The following IGF2BP3 variants were observed in gnomAD, a reference collection of about 807,000 sequenced individuals.
IGF2BP3 encodes insulin like growth factor 2 mRNA binding protein 3.
Under a neutral mutation model 73.8 loss-of-function variants are expected in IGF2BP3, and 9 were observed. The ratio of observed to expected loss-of-function variants is 0.12; its 90% CI spans 0.07 to 0.21. The LOEUF (loss-of-function observed/expected upper bound fraction) is 0.21. Among genes scored for constraint, IGF2BP3 ranks in the 10% least tolerant of loss-of-function variants. The probability of loss-of-function intolerance (pLI) is 1.00; values close to 1 mark genes in which losing one functional copy is unlikely to be tolerated. For synonymous variants in IGF2BP3, 258 were observed against 256.7 expected (o/e 1.01, Z -0.05); for missense variants, 542 against 714.0 (o/e 0.76, Z 2.75).
intron 10 of IGF2BP3, among the ~76,000 whole-genome samples, chr7:23,325,706 G>T (rs1207832638): frequency 4.0e-5 from 6 of 151,868 alleles, no homozygotes; most frequent in East Asian, 3.9e-4. Flanking sequence ...AACAGCATGG[G>T]ACTGGTACCA....
intron 3 of IGF2BP3, among the ~76,000 whole-genome samples, chr7:23,391,432 G>T (rs902307627): frequency 6.6e-6 from 1 of 152,152 alleles, no homozygotes; most frequent in Non-Finnish European, 1.5e-5. Context: ...CAGTTGTAAG[G>T]TTACTGACAT....
At chr7:23,340,412 G>A (rs1297458199) in intron 10 of IGF2BP3, among the ~76,000 whole-genome samples, 4 of 152,112 alleles carry the variant, frequency 2.6e-5, no homozygotes, top group Admixed American at 2.6e-4. Flanking sequence ...GACAGGAAAA[G>A]GAAATTTTCA....
chr7:23,377,117 A>C (rs1393764567), intron 3 of IGF2BP3, among the ~76,000 whole-genome samples: 1 of 152,200 alleles, frequency 6.6e-6, no homozygotes, highest in African/African-American at 2.4e-5. Flanking sequence ...TTAAAAAAAA[A>C]ACTGTGCTAA....
intron 10 of IGF2BP3, among the ~76,000 whole-genome samples, chr7:23,330,485 G>A (rs989260122): frequency 6.6e-6 from 1 of 151,906 alleles, no homozygotes. Flanking sequence ...ATGACTTCCT[G>A]TGAGTCAAAA....
chr7:23,369,668 C>T (rs954383480), intron 3 of IGF2BP3, among the ~76,000 whole-genome samples: 1 of 151,816 alleles, frequency 6.6e-6, no homozygotes, highest in Non-Finnish European at 1.5e-5. Flanking sequence ...TTTCTTCATG[C>T]TTCTCTTCAA....
rs1052580730 is a variant in IGF2BP3, at chr7:23,311,508, T to C, written c.*854A>G. 5 of 152,378 alleles carry C rather than the reference T, an allele frequency of 3.3e-5. No individual in the cohort carries two copies. Among genetic ancestry groups the C allele is most frequent in the African/African-American group, 1.2e-4 (5 of 41,436 alleles). 9.4% of individuals were successfully genotyped at this position (152,378 alleles called of 1,614,324 possible). A position where few individuals can be genotyped will look rare whatever the true frequency, so the allele number is the denominator to read the frequency against. Reference sequence around the variant, plus strand: ...CGTCAAAAACTTTCCCAACTATAAATGAAAGAATAAATGGTAGTGCTGCTC... The same window carrying C: ...CGTCAAAAACTTTCCCAACTATAAACGAAAGAATAAATGGTAGTGCTGCTC... On this transcript the variant is annotated 3_prime_UTR_variant, in exon 15 of 15. Coordinates refer to ENST00000258729, the MANE Select transcript of IGF2BP3 (RefSeq NM_006547.3).
At chr7:23,396,810 GCA>G (rs923868815) in intron 3 of IGF2BP3, among the ~76,000 whole-genome samples, 4 of 152,188 alleles carry the variant, frequency 2.6e-5, no homozygotes, top group Non-Finnish European at 5.9e-5. Flanking sequence ...CAGTACTGGA[GCA>G]CACAGCATGT....
chr7:23,322,922 C>T (rs1431628307), intron 10 of IGF2BP3, among the ~76,000 whole-genome samples: 9 of 152,134 alleles, frequency 5.9e-5, no homozygotes, highest in Admixed American at 2.0e-4. Context: ...CTGAAGGAAG[C>T]GCTAAACATG....
intron 10 of IGF2BP3, among the ~76,000 whole-genome samples, chr7:23,330,792 C>T (rs1458906702): frequency 6.6e-6 from 1 of 152,012 alleles, no homozygotes; most frequent in Non-Finnish European, 1.5e-5. Context: ...TCATACATTG[C>T]TTTTTCTTGT....
chr7:23,410,686 C>T (rs1427022034), intron 3 of IGF2BP3, among the ~76,000 whole-genome samples: 1 of 152,156 alleles, frequency 6.6e-6, no homozygotes, highest in Non-Finnish European at 1.5e-5. Flanking sequence ...GAAATTCATT[C>T]ATCACTCATA....
At chr7:23,461,442 C>T (rs1207200940) in intron 2 of IGF2BP3, among the ~76,000 whole-genome samples, 1 of 152,158 alleles carries the variant, frequency 6.6e-6, no homozygotes, top group Admixed American at 6.5e-5. Context: ...GTATTAGAAA[C>T]ACCATATCAA....
At chr7:23,339,535 G>T (rs974343510) in intron 10 of IGF2BP3, among the ~76,000 whole-genome samples, 9 of 152,312 alleles carry the variant, frequency 5.9e-5, no homozygotes, top group Admixed American at 4.6e-4. Flanking sequence ...AAGCATCCAT[G>T]TAAGTGTAAA....
intron 3 of IGF2BP3, among the ~76,000 whole-genome samples, chr7:23,373,646 C>T (rs373159029): frequency 1.3e-5 from 2 of 151,948 alleles, no homozygotes; most frequent in Admixed American, 1.3e-4. Context: ...AGCAGTTCCT[C>T]AAAAAAAATT....
Position 23,343,823 on chromosome 7 carries a change from T to C in IGF2BP3, c.972A>G (p.Glu324=), listed in dbSNP as rs577773398. The C allele has an allele frequency of 6.8e-6, 11 of 1,612,950 alleles. No individual in the cohort carries two copies. The East Asian group carries it at 2.5e-4, about 36-fold the overall frequency. Residue 324 remains glutamate (E), a synonymous_variant, in exon 9 of 15, where the codon GAA becomes GAG. Coordinates refer to ENST00000258729, the MANE Select transcript of IGF2BP3 (RefSeq NM_006547.3). ...CATTGCCTTTAACTGTAATAGTGCG[T>C]TCTGGATTATACAGCGTCAATTCCT... ...PLQELTLYNP[E]RTITVKGNVE...
At chr7:23,390,945 C>T (rs1254681895) in intron 3 of IGF2BP3, among the ~76,000 whole-genome samples, 1 of 149,722 alleles carries the variant, frequency 6.7e-6, no homozygotes, top group Non-Finnish European at 1.5e-5. Context: ...ATCACAAGCA[C>T]CCACCACTAC....
intron 2 of IGF2BP3, among the ~76,000 whole-genome samples, chr7:23,452,430 T>C (rs1305846994): frequency 6.6e-6 from 1 of 152,184 alleles, no homozygotes; most frequent in African/African-American, 2.4e-5. Flanking sequence ...ACAAGTGAAA[T>C]TGCTGTTATG....
intron 7 of IGF2BP3, among the ~76,000 whole-genome samples, chr7:23,346,837 C>A (rs1377129692): frequency 1.3e-5 from 2 of 152,024 alleles, no homozygotes. Flanking sequence ...ATGATCCACC[C>A]GCCTCGGCCT....
At position 23,429,404 on chromosome 7, in the gene IGF2BP3, A is replaced by G. The variant is rs1432868723; in HGVS notation, c.237-10580T>C. Among the ~76,000 whole-genome samples the G allele has an allele frequency of 2.0e-5, 3 of 152,202 alleles. No individual in the cohort carries two copies. The East Asian group carries it at 5.8e-4, about 29-fold the overall frequency. ...CAGAAGTAATTTAATTTGTCTGAAT[A>G]CACACACAGCTACTGTGTGGCAGGG... On this transcript the variant is annotated intron_variant, in intron 2 of 14. Coordinates refer to ENST00000258729, the MANE Select transcript of IGF2BP3 (RefSeq NM_006547.3).
intron 3 of IGF2BP3, among the ~76,000 whole-genome samples, chr7:23,399,842 AAT>A (rs1292338203): frequency 6.6e-6 from 1 of 152,196 alleles, no homozygotes; most frequent in Non-Finnish European, 1.5e-5. Flanking sequence ...CTATTTTCTC[AAT>A]GTGTGTATGT....
Sources: allele counts gnomAD v4.1 joint callset (sites outside exome capture counted in the v4.1 genomes callset), GRCh38; gene constraint gnomAD v4.1.1; transcripts MANE v1.5; gene names NCBI Gene and HGNC (gene_info 2026-07-23, HGNC 2026-07-21).